Variants in OR3A2 observed in about 807,000 individuals in gnomAD.
OR3A2 encodes olfactory receptor 3A2.
For missense variants in OR3A2, 318 were observed against 392.8 expected (o/e 0.81, Z 1.61); for synonymous variants, 126 against 159.3 (o/e 0.79, Z 1.57).
At chr17:3,279,460 G>A (rs557931488) in intron 1 of OR3A2, among the ~76,000 whole-genome samples, 2 of 152,190 alleles carry the variant, frequency 1.3e-5, no homozygotes, top group African/African-American at 2.4e-5. Context: ...TAATAAGCAG[G>A]TTTCAAAATA....
chr17:3,330,649 G>A (rs1294098044), intron 3 of OR3A2, among the ~76,000 whole-genome samples: 4 of 152,028 alleles, frequency 2.6e-5, no homozygotes, highest in African/African-American at 2.4e-5. Context: ...ACACTGATGG[G>A]TCTTGACTCT....
At position 3,311,230 on chromosome 17, in the gene OR3A2, C is replaced by CCT. The variant is rs757844752; in HGVS notation, c.-85+24801_-85+24802dup. ...GACGTCGGGTGCATCAGTCACTGTT[C>CCT]CTCCGATGCTGGCGTGTCTCCAGGC... On this transcript the variant is annotated intron_variant, in intron 3 of 4. Transcript: ENST00000573491. This position sits in a 1 kb window ranked among gnomAD's most constrained non-coding sequence, Gnocchi z 4.6. 1.9e-6 allele frequency: 1 copy of CCT among 536,176 alleles called. No homozygotes were observed. The highest frequency in any genetic ancestry group is 1.4e-5 in the South Asian group (1 of 71,612). The allele number at this position is 536,176 out of a possible 1,614,324, so 33.2% of individuals were successfully genotyped here.
upstream of OR3A2, among the ~76,000 whole-genome samples, chr17:3,286,676 G>C (rs1480139848): frequency 6.6e-6 from 1 of 152,112 alleles, no homozygotes; most frequent in African/African-American, 2.4e-5. Context: ...CTAATGACCA[G>C]TGATGACGAG....
At chr17:3,354,431 A>G (rs559387943) in intron 2 of OR3A2, among the ~76,000 whole-genome samples, 2 of 151,208 alleles carry the variant, frequency 1.3e-5, no homozygotes, top group South Asian at 4.1e-4. Context: ...TATTTATAGG[A>G]GACCTTTTAT....
At chr17:3,368,290 T>C (rs539605868) in intron 2 of OR3A2, among the ~76,000 whole-genome samples, 1 of 152,344 alleles carries the variant, frequency 6.6e-6, no homozygotes, top group East Asian at 1.9e-4. Context: ...TTTGGGTTCT[T>C]GATCATAAAT....
At chr17:3,369,875 C>T (rs1474914914) in intron 2 of OR3A2, among the ~76,000 whole-genome samples, 10 of 150,498 alleles carry the variant, frequency 6.6e-5, no homozygotes, top group Admixed American at 6.0e-4. Flanking sequence ...ATAATCTCAG[C>T]TCACTGCAAC....
chr17:3,382,632 A>C (rs1374444231), intron 2 of OR3A2, among the ~76,000 whole-genome samples: 3 of 152,162 alleles, frequency 2.0e-5, no homozygotes, highest in African/African-American at 7.2e-5. Flanking sequence ...AGCACTAGGG[A>C]GGAAGAGGCC....
chr17:3,371,901 C>A (rs577171132), intron 2 of OR3A2, among the ~76,000 whole-genome samples: 1 of 140,202 alleles, frequency 7.1e-6, no homozygotes, highest in Non-Finnish European at 1.5e-5. Flanking sequence ...CCCTCCCGGA[C>A]GGGGCGGCTG....
chr17:3,373,498 A>C (rs1338675079), intron 2 of OR3A2, among the ~76,000 whole-genome samples: 1 of 152,108 alleles, frequency 6.6e-6, no homozygotes, highest in Non-Finnish European at 1.5e-5. Flanking sequence ...ATATAGTTAG[A>C]ATTGTGATAT....
intron 3 of OR3A2, among the ~76,000 whole-genome samples, chr17:3,323,295 T>G (rs2049141048): frequency 6.6e-6 from 1 of 152,134 alleles, no homozygotes; most frequent in Non-Finnish European, 1.5e-5. Context: ...CACTAATGGG[T>G]CTTGACTCTT....
chr17:3,338,736 A>T (rs1420188135), intron 2 of OR3A2, among the ~76,000 whole-genome samples: 1 of 152,064 alleles, frequency 6.6e-6, no homozygotes, highest in Non-Finnish European at 1.5e-5. Flanking sequence ...TTTGCTTAGG[A>T]TTCTCTTGGC....
chr17:3,372,519 T>C (rs1010649096), intron 2 of OR3A2, among the ~76,000 whole-genome samples: 8 of 151,862 alleles, frequency 5.3e-5, no homozygotes, highest in African/African-American at 1.9e-4. Context: ...GCCACTGCAC[T>C]CCAGCCTGGG....
chr17:3,363,327 A>T (rs1363862441), intron 2 of OR3A2, among the ~76,000 whole-genome samples: 1 of 151,800 alleles, frequency 6.6e-6, no homozygotes, highest in Non-Finnish European at 1.5e-5. Context: ...TTCTTCTGCC[A>T]GATACTCTAA....
At chr17:3,346,833 C>A (rs924438471) in intron 2 of OR3A2, among the ~76,000 whole-genome samples, 4 of 152,114 alleles carry the variant, frequency 2.6e-5, no homozygotes, top group African/African-American at 4.8e-5. Flanking sequence ...AATATAAGGA[C>A]CTCCAGTTCC....
At chr17:3,331,292 T>A (rs2049230851) in intron 3 of OR3A2, among the ~76,000 whole-genome samples, 1 of 152,156 alleles carries the variant, frequency 6.6e-6, no homozygotes, top group Non-Finnish European at 1.5e-5. Flanking sequence ...TTCTCCTGGA[T>A]AACATCCTGC....
intron 3 of OR3A2, among the ~76,000 whole-genome samples, chr17:3,326,288 T>A (rs1380468283): frequency 2.6e-5 from 4 of 152,088 alleles, no homozygotes; most frequent in African/African-American, 4.8e-5. Context: ...TGATTTCTAT[T>A]CATTTGGGTT....
chr17:3,310,450 G>A (rs146222029), intron 3 of OR3A2: 89 of 535,502 alleles, frequency 1.7e-4, no homozygotes, highest in Non-Finnish European at 3.2e-4. Flanking sequence ...GGCACCCTCA[G>A]CATCCTGGCG....
intron 1 of OR3A2, 79 bp from the exon 4 acceptor site, chr17:3,279,232 CCA>C (rs1292708945): frequency 1.1e-5 from 5 of 438,898 alleles, no homozygotes; most frequent in Non-Finnish European, 2.0e-5. Context: ...GCTGTCCTCG[CCA>C]CAGGGGGGAA....
At chr17:3,344,215 C>T (rs887241369) in intron 2 of OR3A2, among the ~76,000 whole-genome samples, 1 of 152,170 alleles carries the variant, frequency 6.6e-6, no homozygotes, top group Non-Finnish European at 1.5e-5. Context: ...TATTTCTTCA[C>T]TGCTGGCTGA....
Sources: allele counts gnomAD v4.1 joint callset (sites outside exome capture counted in the v4.1 genomes callset), GRCh38; gene constraint gnomAD v4.1.1; non-coding constraint Gnocchi (gnomAD v3.1); transcripts MANE v1.5; gene names NCBI Gene and HGNC (gene_info 2026-07-23, HGNC 2026-07-21).